The following MRPL20 variants were observed in gnomAD, a reference collection of about 807,000 sequenced individuals.
MRPL20 encodes large ribosomal subunit protein bL20m.
In MRPL20, 21 loss-of-function variants were observed where a neutral mutation model predicts 20.0. That is an observed-to-expected ratio of 1.05 (90% confidence interval 0.74 to 1.51). The LOEUF (loss-of-function observed/expected upper bound fraction) is 1.51, where lower values mean the gene tolerates loss of function less well. Among genes scored for constraint, MRPL20 ranks in the 40% most tolerant of loss-of-function variants. The pLI is 0.00. For synonymous variants in MRPL20, 104 were observed against 73.0 expected, an observed-to-expected ratio of 1.43 and a Z score of -2.17; for missense variants, 252 against 185.6, an observed-to-expected ratio of 1.36 and a Z score of -2.08.
At chr1:1,406,592 G>A (rs1003483027) in intron 2 of MRPL20, 2 of 395,650 alleles carry the variant, frequency 5.1e-6, no homozygotes, top group Non-Finnish European at 9.5e-6. Context: ...CTGCCAAAGG[G>A]AAGGGAAGCC....
At chr1:1,405,379 T>A in intron 3 of MRPL20, 1 of 516,692 alleles carries the variant, frequency 1.9e-6, no homozygotes, top group Non-Finnish European at 3.5e-6. Context: ...GGGCTCAAAG[T>A]GATCCCCCTG....
intron 3 of MRPL20, among the ~76,000 whole-genome samples, chr1:1,403,388 T>A (rs1008273275): frequency 2.6e-5 from 4 of 151,464 alleles, no homozygotes; most frequent in Non-Finnish European, 5.9e-5. Context: ...GGACTACAGG[T>A]GCCCGCCACC....
intron 2 of MRPL20, 164 bp from the exon 3 acceptor site, chr1:1,406,050 CA>C: frequency 9.1e-7 from 1 of 1,103,112 alleles, no homozygotes; most frequent in Non-Finnish European, 1.2e-6. Flanking sequence ...GACCCTGTTT[CA>C]AAATTAAAAA....
At position 1,402,230 on chromosome 1, in the gene MRPL20, G is replaced by A; in HGVS notation, c.303C>T (p.Val101=). ...VKCQVELNRK[V]LADLAIYEPK... Reference sequence around the variant, plus strand: ...GCTCGTAGATGGCCAGATCCGCTAGGACTTTCCTGTTGAGCTCCACCTGGC... The same window carrying A: ...GCTCGTAGATGGCCAGATCCGCTAGAACTTTCCTGTTGAGCTCCACCTGGC... Residue 101 remains valine, a synonymous_variant, in exon 4 of 4, where the codon GTC becomes GTT. Transcript: ENST00000344843. 6.2e-7 allele frequency: 1 copy of A among 1,613,270 alleles called. No individual in the cohort carries two copies. Among genetic ancestry groups the A allele is most frequent in the South Asian group, 1.1e-5 (1 of 90,990 alleles).
At position 1,407,172 on chromosome 1, in the gene MRPL20, C is replaced by A; in HGVS notation, c.46G>T (p.Asp16Tyr). 6.2e-7 allele frequency: 1 copy of A among 1,607,680 alleles called. No homozygotes were observed. Among genetic ancestry groups the A allele is most frequent in the Non-Finnish European group, 8.5e-7 (1 of 1,177,332 alleles). ...AQLWLRNRVTDRYFRIQEVLK... is the reference protein window; with the variant it reads ...AQLWLRNRVTYRYFRIQEVLK... ...ACCTCCTGGATCCGAAAGTAGCGGT[C>A]GGTGACGCGATTCCGCAGCCAGAGC... The change falls in exon 1 of 4, where the codon GAC becomes TAC. Residue 16 changes from aspartate (D) to tyrosine (Y), a missense_variant. Asp to Tyr is a radical substitution (Grantham distance 160). Transcript: ENST00000344843.
chr1:1,405,835 G>A lies in MRPL20; in HGVS notation c.250C>T (p.Pro84Ser), dbSNP rs200133158. 8.1e-6 allele frequency: 13 copies of A among 1,614,086 alleles called. No homozygotes were observed. The highest frequency in any genetic ancestry group is 2.2e-5 in the South Asian group (2 of 91,084). ...TTAACTAAATTCCCAATGAGCGCTGGATACTTCAGTCCATGTTCCTGGCTA... is the reference window on the plus strand; with the variant it reads ...TTAACTAAATTCCCAATGAGCGCTGAATACTTCAGTCCATGTTCCTGGCTA... ...AASQEHGLKY[P>S]ALIGNLVKCQ... Residue 84 changes from proline (P) to serine (S), a missense_variant, in exon 3 of 4, where the codon CCA becomes TCA. Coordinates refer to ENST00000344843, the MANE Select transcript of MRPL20 (RefSeq NM_017971.4).
At chr1:1,402,403 G>A in intron 3 of MRPL20, 147 bp from the exon 4 acceptor site, 1 of 1,397,768 alleles carries the variant, frequency 7.2e-7, no homozygotes, top group South Asian at 1.6e-5. Context: ...GGGTGGCACA[G>A]CAGAGGACTT....
Position 1,402,131 on chromosome 1 carries a change from A to G in MRPL20, c.402T>C (p.Asp134=). 7.4e-6 allele frequency: 12 copies of G among 1,614,094 alleles called. No homozygotes were observed. Among genetic ancestry groups the G allele is most frequent in the Non-Finnish European group, 8.5e-6 (10 of 1,180,006 alleles). ...RHEGFAAALG[D]GKEPEGIFSR... is the part of the protein sequence containing the mutation. ...AAAAAATGCCTTCAGGTTCCTTCCCATCCCCCAAGGCAGCAGCAAATCCTT... is the reference window on the plus strand; with the variant it reads ...AAAAAATGCCTTCAGGTTCCTTCCCGTCCCCCAAGGCAGCAGCAAATCCTT... Residue 134 remains aspartate (D), a synonymous_variant, in exon 4 of 4, where the codon GAT becomes GAC. Coordinates refer to ENST00000344843, the MANE Select transcript of MRPL20 (RefSeq NM_017971.4).
chr1:1,405,769 A>G (rs758291872), intron 3 of MRPL20, 40 bp downstream of exon 3: 14 of 1,613,994 alleles, frequency 8.7e-6, no homozygotes, highest in Admixed American at 3.3e-5. Flanking sequence ...GTTTCTGCAG[A>G]TGTCCAGAAT....
chr1:1,407,077 G>A (rs1343841021), intron 1 of MRPL20, 54 bp downstream of exon 1: 14 of 1,608,066 alleles, frequency 8.7e-6, no homozygotes, highest in African/African-American at 1.3e-5. Flanking sequence ...GCCGCCCCTT[G>A]GCCCGCGGGA....
rs11548045 is a variant in MRPL20 at position 1,407,014 on chromosome 1, G to A, written c.93C>T (p.Phe31=). ...IQEVLKHARH[F]RGRKNRCYRL... ...TGTAGCAGCGATTTTTCCTTCCCCG[G>A]AAGTGCTGGGACAGAAAACGAGAAA... Residue 31 remains phenylalanine (F), a synonymous_variant, in exon 2 of 4, where the codon TTC becomes TTT. Coordinates refer to ENST00000344843, the MANE Select transcript of MRPL20 (RefSeq NM_017971.4). The A allele has an allele frequency of 0.026, 41,572 of 1,613,460 alleles. 616 individuals are homozygous for A. Among genetic ancestry groups the A allele is most frequent in the Non-Finnish European group, 0.029 (34,755 of 1,179,424 alleles).
intron 2 of MRPL20, 144 bp downstream of exon 2, chr1:1,406,765 G>A (rs994261257): frequency 2.7e-6 from 2 of 729,856 alleles, no homozygotes; most frequent in African/African-American, 1.7e-5. Context: ...CCTGCGGGGC[G>A]ACATAATTTG....
intron 3 of MRPL20, among the ~76,000 whole-genome samples, chr1:1,403,763 C>T (rs1412220180): frequency 3.3e-5 from 5 of 152,158 alleles, no homozygotes; most frequent in Non-Finnish European, 5.9e-5. Context: ...ATAAACCATC[C>T]GTTCGCTCCA....
chr1:1,402,360 T>TGGG, intron 3 of MRPL20, 104 bp from the exon 4 acceptor site: 1 of 1,452,950 alleles, frequency 6.9e-7, no homozygotes, highest in South Asian at 1.4e-5. Context: ...CACACTCGCC[T>TGGG]GGGGGGAGGG....
At chr1:1,404,630 A>C (rs937035080) in intron 3 of MRPL20, among the ~76,000 whole-genome samples, 1 of 150,572 alleles carries the variant, frequency 6.6e-6, no homozygotes, top group Non-Finnish European at 1.5e-5. Flanking sequence ...CCTCCTGAGT[A>C]GCTGGGACTA....
Position 1,407,280 on chromosome 1 carries a change from C to T in MRPL20, c.-63G>A, listed in dbSNP as rs1645394995. On this transcript the variant is annotated 5_prime_UTR_variant, in exon 1 of 4. Transcript: ENST00000344843. Reference sequence around the variant, plus strand: ...CACGCGCAGCGCCGCTGCCATCTTGCCCGGGTCGGAAATGGTGGTCACGAG... The same window carrying T: ...CACGCGCAGCGCCGCTGCCATCTTGTCCGGGTCGGAAATGGTGGTCACGAG... 3 of 1,441,942 alleles carry T rather than the reference C, an allele frequency of 2.1e-6. No homozygotes were observed. Among genetic ancestry groups the T allele is most frequent in the African/African-American group, 2.8e-5 (2 of 70,858 alleles). The allele number at this position is 1,441,942 out of a possible 1,614,324, so 89.3% of individuals were successfully genotyped here.
At chr1:1,405,312 C>G (rs1011530770) in intron 3 of MRPL20, 6 of 322,850 alleles carry the variant, frequency 1.9e-5, no homozygotes, top group Non-Finnish European at 2.9e-5. Flanking sequence ...GTCCTGCTCT[C>G]ACCTAGGCTA....
intron 3 of MRPL20, among the ~76,000 whole-genome samples, chr1:1,403,840 TAA>T (rs1054710659): frequency 7.9e-5 from 12 of 152,272 alleles, no homozygotes; most frequent in African/African-American, 2.9e-4. Flanking sequence ...CACTCATTAT[TAA>T]AACTTTTTGT....
At chr1:1,405,536 G>A in intron 3 of MRPL20, 3 of 627,802 alleles carry the variant, frequency 4.8e-6, no homozygotes, top group East Asian at 5.5e-5. Context: ...CATCAACATG[G>A]GAATTGTGAC....
Sources: allele counts gnomAD v4.1 joint callset (sites outside exome capture counted in the v4.1 genomes callset), GRCh38; gene constraint gnomAD v4.1.1; transcripts MANE v1.5; gene names NCBI Gene and HGNC (gene_info 2026-07-23, HGNC 2026-07-21).